Variants in DOCK4 observed in about 807,000 individuals in gnomAD.
DOCK4 encodes dedicator of cytokinesis 4, also known as dedicator of cytokinesis protein 4.
In DOCK4, 97 loss-of-function variants were observed where a neutral mutation model predicts 268.1. The observed-to-expected ratio is 0.36, with a 90% CI of 0.31 to 0.43. The LOEUF is 0.43. Among genes scored for constraint, DOCK4 ranks in the 20% least tolerant of loss-of-function variants. DOCK4 has a pLI of 1.00. For missense variants in DOCK4, 2,145 were observed against 2,455.7 expected (o/e 0.87, Z 2.67); for synonymous variants, 954 against 887.2 (o/e 1.08, Z -1.34).
chr7:112,165,445 T>C lies in DOCK4; in HGVS notation c.37+40657A>G, dbSNP rs1176503003. Among the ~76,000 whole-genome samples the C allele has an allele frequency of 2.0e-5, 3 of 151,998 alleles. No homozygotes were observed. In the South Asian group the frequency reaches 6.2e-4, roughly 32 times the overall value. On this transcript the variant is annotated intron_variant, in intron 1 of 52. Coordinates refer to ENST00000428084, the MANE Select transcript of DOCK4 (RefSeq NM_001363540.2). ...TCTTTCTGTGCCTGGCTTATTTCAC[T>C]TAAGATAATGACCTCCAGCTCCATT...
intron 23 of DOCK4, among the ~76,000 whole-genome samples, chr7:111,848,571 G>C (rs919425920): frequency 1.3e-5 from 2 of 152,116 alleles, no homozygotes; most frequent in Non-Finnish European, 2.9e-5. Flanking sequence ...TTTTGAGGCA[G>C]GAAAATAGGG....
intron 8 of DOCK4, among the ~76,000 whole-genome samples, chr7:111,973,156 C>CATATATATATATATATATAT (rs144045255): frequency 7.3e-4 from 83 of 114,028 alleles, no homozygotes; most frequent in South Asian, 1.2e-3. Context: ...TATTCCATGG[C>CATATATATATATATATATAT]ATATATATAT....
chr7:112,046,731 A>T (rs1273014767), intron 1 of DOCK4, among the ~76,000 whole-genome samples: 4 of 152,208 alleles, frequency 2.6e-5, no homozygotes, highest in African/African-American at 9.6e-5. Flanking sequence ...GGCATTGAAG[A>T]ACATGTTCCT....
At position 111,869,747 on chromosome 7, in the gene DOCK4, G is replaced by T. The variant is rs1489159037; in HGVS notation, c.2028-92C>A. Reference sequence around the variant, plus strand: ...CCAACTCTTAACTATATCATGAGGAGGTTTCTTTTCCCATCAGTTCTCACA... The same window carrying T: ...CCAACTCTTAACTATATCATGAGGATGTTTCTTTTCCCATCAGTTCTCACA... On this transcript the variant is annotated intron_variant, in intron 20 of 52. Coordinates refer to ENST00000428084, the MANE Select transcript of DOCK4 (RefSeq NM_001363540.2). 5.6e-6 allele frequency: 6 copies of T among 1,074,520 alleles called. No individual in the cohort carries two copies. The African/African-American group carries it at 6.3e-5, about 11-fold the overall frequency. 66.6% of individuals were successfully genotyped at this position (1,074,520 alleles called of 1,614,324 possible).
intron 2 of DOCK4, among the ~76,000 whole-genome samples, chr7:112,001,858 C>T (rs1253910765): frequency 6.6e-6 from 1 of 152,144 alleles, no homozygotes; most frequent in Admixed American, 6.6e-5. Flanking sequence ...TGCCAATAAG[C>T]AGGCTCAAGG....
At chr7:111,889,150 T>C (rs145306306) in intron 16 of DOCK4, among the ~76,000 whole-genome samples, 1 of 152,310 alleles carries the variant, frequency 6.6e-6, no homozygotes, top group African/African-American at 2.4e-5. Context: ...CTGTTCAGCT[T>C]ATGTGTTCAG....
At chr7:111,736,223 C>T (rs528648287) in intron 50 of DOCK4, among the ~76,000 whole-genome samples, 4 of 152,278 alleles carry the variant, frequency 2.6e-5, no homozygotes, top group African/African-American at 9.6e-5. Context: ...ATTAACGACT[C>T]TTGATTTATT....
intron 29 of DOCK4, 60 bp from the exon 30 acceptor site, chr7:111,808,939 G>A: frequency 6.5e-7 from 1 of 1,540,008 alleles, no homozygotes; most frequent in Middle Eastern, 1.7e-4. Context: ...AAGTATTTGT[G>A]TGTCTTTAGG....
In DOCK4 at chr7:111,789,661, A is replaced by G. The variant is rs1348037357; in HGVS notation, c.3315+796T>C. On this transcript the variant is annotated intron_variant, in intron 31 of 52. Coordinates refer to ENST00000428084, the MANE Select transcript of DOCK4 (RefSeq NM_001363540.2). ...TAAATGTGTATACCGATACAGGTGAAACACCCATGCTTTTGGCAATAGGAG... is the reference window on the plus strand; with the variant it reads ...TAAATGTGTATACCGATACAGGTGAGACACCCATGCTTTTGGCAATAGGAG... Among the ~76,000 whole-genome samples, 3 of 152,224 alleles carry G rather than the reference A, an allele frequency of 2.0e-5. No individual in the cohort carries two copies. In the South Asian group the frequency reaches 6.2e-4, roughly 32 times the overall value.
intron 11 of DOCK4, among the ~76,000 whole-genome samples, 182 bp downstream of exon 11, chr7:111,939,928 T>C (rs1795068015): frequency 6.6e-6 from 1 of 152,216 alleles, no homozygotes; most frequent in African/African-American, 2.4e-5. Flanking sequence ...GTAATTCCTC[T>C]GACTGGCAAA....
intron 1 of DOCK4, among the ~76,000 whole-genome samples, chr7:112,066,885 C>T (rs946305947): frequency 2.0e-5 from 3 of 150,760 alleles, no homozygotes; most frequent in Non-Finnish European, 3.0e-5. Context: ...TGGCTCATGC[C>T]TGTAATCCCA....
chr7:112,034,638 C>T (rs377631628), intron 1 of DOCK4, among the ~76,000 whole-genome samples: 58 of 152,304 alleles, frequency 3.8e-4, no homozygotes, highest in African/African-American at 1.3e-3. Flanking sequence ...CGGTGGCTCA[C>T]GCCTGTAATC....
At chr7:111,800,141 C>G (rs1800165142) in intron 30 of DOCK4, among the ~76,000 whole-genome samples, 1 of 150,374 alleles carries the variant, frequency 6.7e-6, no homozygotes, top group Admixed American at 6.6e-5. Flanking sequence ...GTTGATAATA[C>G]AATGCACTTT....
At chr7:111,855,283 A>G (rs1215507149) in intron 23 of DOCK4, among the ~76,000 whole-genome samples, 1 of 152,148 alleles carries the variant, frequency 6.6e-6, no homozygotes, top group Non-Finnish European at 1.5e-5. Context: ...GAGAGAAAAG[A>G]CAGAGGCAGC....
intron 27 of DOCK4, chr7:111,821,282 T>G (rs570610072): frequency 2.6e-5 from 4 of 152,164 alleles, no homozygotes; most frequent in South Asian, 2.1e-4. Context: ...GGCCTACAGA[T>G]AGATGCTTAG....
chr7:112,138,476 A>G (rs1376457268), intron 1 of DOCK4, among the ~76,000 whole-genome samples: 2 of 152,246 alleles, frequency 1.3e-5, no homozygotes, highest in African/African-American at 4.8e-5. Context: ...TGGCCAAGAA[A>G]GTATTTGCAG....
chr7:112,192,383 G>C (rs1820036608), intron 1 of DOCK4, among the ~76,000 whole-genome samples: 1 of 152,122 alleles, frequency 6.6e-6, no homozygotes, highest in Non-Finnish European at 1.5e-5. Context: ...GGCGATCTTA[G>C]CAGCCGGTGA....
At chr7:111,783,016 AAG>A (rs1798891769) in intron 34 of DOCK4, 92 bp from the exon 35 acceptor site, 140 of 1,049,004 alleles carry the variant, frequency 1.3e-4, no homozygotes, top group East Asian at 2.4e-4. Context: ...GAAAGAAAGA[AAG>A]AAAAAAAAAA....
rs1799334385 is a variant in DOCK4, at chr7:111,788,650, CAT to C, written c.3401+10_3401+11del. On this transcript the variant is annotated intron_variant, in intron 32 of 52. Transcript: ENST00000428084. The stretch of plus-strand genomic sequence containing the variant: ...CAGAATGGAATCAACTTGAGATAAA[CAT>C]ATTACTCACATACTGTTGAAGAGCT... 2.6e-6 allele frequency: 4 copies of C among 1,567,828 alleles called. No individual in the cohort carries two copies. The highest frequency in any genetic ancestry group is 3.5e-6 in the Non-Finnish European group (4 of 1,153,532).
Sources: allele counts gnomAD v4.1 joint callset (sites outside exome capture counted in the v4.1 genomes callset), GRCh38; gene constraint gnomAD v4.1.1; transcripts MANE v1.5; gene names NCBI Gene and HGNC (gene_info 2026-07-23, HGNC 2026-07-21).